SCFD2: variants seen among roughly 807,000 people sequenced by gnomAD.
The protein encoded by SCFD2 is sec1 family domain-containing protein 2.
Under a neutral mutation model 58.9 loss-of-function variants are expected in SCFD2, and 54 were observed. The observed-to-expected ratio is 0.92, with a 90% CI of 0.74 to 1.15. The LOEUF is 1.15. SCFD2 is among the 50% of genes most tolerant of loss of function. SCFD2 has a pLI of 0.00. For synonymous variants in SCFD2, 321 were observed against 335.9 expected (o/e 0.96, Z 0.49); for missense variants, 805 against 836.6 (o/e 0.96, Z 0.47).
chr4:52,953,084 A>G (rs1720638049), intron 5 of SCFD2, among the ~76,000 whole-genome samples: 1 of 152,212 alleles, frequency 6.6e-6, no homozygotes, highest in South Asian at 2.1e-4. Context: ...AACAGTAACA[A>G]CAACTACAAC....
chr4:52,965,409 A>T (rs1720941572), intron 5 of SCFD2, among the ~76,000 whole-genome samples: 1 of 152,156 alleles, frequency 6.6e-6, no homozygotes, highest in South Asian at 2.1e-4. Flanking sequence ...CCAGCGGCTG[A>T]GCACATGCTT....
At chr4:53,253,720 C>G (rs1452994646) in intron 4 of SCFD2, among the ~76,000 whole-genome samples, 1 of 122,490 alleles carries the variant, frequency 8.2e-6, no homozygotes. Context: ...AGGGGAACAT[C>G]ACATGCTGGG....
At chr4:53,264,222 A>G (rs1730915232) in intron 4 of SCFD2, among the ~76,000 whole-genome samples, 2 of 152,308 alleles carry the variant, frequency 1.3e-5, no homozygotes, top group East Asian at 1.9e-4. Context: ...CCAGACCACC[A>G]GCCTCTCCAC....
intron 5 of SCFD2, among the ~76,000 whole-genome samples, chr4:52,940,638 G>T (rs1439754096): frequency 6.6e-6 from 1 of 152,176 alleles, no homozygotes; most frequent in Non-Finnish European, 1.5e-5. Context: ...ACCACTGCTC[G>T]TAAGTTCGGA....
intron 4 of SCFD2, among the ~76,000 whole-genome samples, chr4:53,202,496 C>T (rs1340157523): frequency 2.7e-5 from 4 of 150,868 alleles, no homozygotes; most frequent in African/African-American, 9.7e-5. Context: ...TTAGGATTGA[C>T]TTGGCAATGC....
intron 4 of SCFD2, among the ~76,000 whole-genome samples, chr4:53,216,377 G>C (rs927554962): frequency 6.6e-4 from 100 of 152,252 alleles, no homozygotes; most frequent in African/African-American, 2.4e-3. Context: ...AGTCTTGGGA[G>C]GGTGTATGTG....
chr4:52,930,554 A>G (rs1719967476), intron 5 of SCFD2, among the ~76,000 whole-genome samples: 1 of 152,180 alleles, frequency 6.6e-6, no homozygotes, highest in Admixed American at 6.6e-5. Flanking sequence ...CTAGATCATC[A>G]CGAAAACAAC....
At chr4:53,259,432 C>T (rs934707807) in intron 4 of SCFD2, among the ~76,000 whole-genome samples, 1 of 152,140 alleles carries the variant, frequency 6.6e-6, no homozygotes, top group Non-Finnish European at 1.5e-5. Flanking sequence ...CATTCTTTTA[C>T]CTGTGGCTTT....
chr4:52,888,727 C>T (rs912524499), intron 7 of SCFD2, among the ~76,000 whole-genome samples: 2 of 152,178 alleles, frequency 1.3e-5, no homozygotes, highest in African/African-American at 4.8e-5. Context: ...CTTGGTCTGC[C>T]CATTTAAATG....
At chr4:53,214,427 T>A (rs1304158405) in intron 4 of SCFD2, among the ~76,000 whole-genome samples, 3 of 152,182 alleles carry the variant, frequency 2.0e-5, no homozygotes, top group African/African-American at 7.2e-5. Flanking sequence ...ATTTTTTTCA[T>A]GTGTTTTTTG....
rs538157335 is a variant in SCFD2, at chr4:53,046,854, TA to T, written c.1561+98478del. ...AGCTAATTTTCTTTTGTATTTTTAG[TA>T]GAGACGGGGTTTTGCCATATTGGCC... On this transcript the variant is annotated intron_variant, in intron 5 of 8. Transcript: ENST00000401642. Among the ~76,000 whole-genome samples the T allele has an allele frequency of 3.4e-3, 522 of 152,212 alleles. 1 individual carries two copies. The highest frequency in any genetic ancestry group is 5.9e-3 in the Non-Finnish European group (398 of 68,002).
At position 53,365,065 on chromosome 4, in the gene SCFD2, G is replaced by A. The variant is rs1347860758; in HGVS notation, c.838+39C>T. ...GAATCAATGAAAGTCCCAGCAATGT[G>A]GGGAATGGTAATGAAGAACTCCAGA... On this transcript the variant is annotated intron_variant, in intron 1 of 8. Transcript: ENST00000401642. The surrounding 1 kb of genome is among the most constrained non-coding windows in gnomAD (Gnocchi z 4.3). 1 of 1,579,622 alleles carries A rather than the reference G, an allele frequency of 6.3e-7. No individual in the cohort carries two copies. Among genetic ancestry groups the A allele is most frequent in the Non-Finnish European group, 8.6e-7 (1 of 1,164,782 alleles).
intron 5 of SCFD2, among the ~76,000 whole-genome samples, chr4:52,933,148 A>G (rs1177292478): frequency 6.6e-6 from 1 of 152,112 alleles, no homozygotes; most frequent in East Asian, 1.9e-4. Context: ...AAGCACATTC[A>G]AGTAGCATTG....
chr4:53,013,033 T>C (rs1198780514), intron 5 of SCFD2, among the ~76,000 whole-genome samples: 1 of 152,188 alleles, frequency 6.6e-6, no homozygotes, highest in African/African-American at 2.4e-5. Context: ...GCAGAGCTCC[T>C]GCACCAACTC....
At chr4:53,298,611 A>C (rs1732141341) in intron 3 of SCFD2, among the ~76,000 whole-genome samples, 1 of 152,176 alleles carries the variant, frequency 6.6e-6, no homozygotes, top group South Asian at 2.1e-4. Context: ...TTCTCCCAGC[A>C]CACAGCTTGA....
chr4:52,911,079 A>G (rs923643186), intron 6 of SCFD2, among the ~76,000 whole-genome samples: 1 of 152,210 alleles, frequency 6.6e-6, no homozygotes, highest in African/African-American at 2.4e-5. Flanking sequence ...GTCATTCTCC[A>G]TAAGATGTCC....
chr4:53,171,547 A>C (rs1216205012), intron 4 of SCFD2, among the ~76,000 whole-genome samples: 3 of 152,136 alleles, frequency 2.0e-5, no homozygotes, highest in Non-Finnish European at 4.4e-5. Context: ...CCTTCTCTAC[A>C]ATTTTTTCAA....
At chr4:53,201,270 A>C (rs1218182586) in intron 4 of SCFD2, among the ~76,000 whole-genome samples, 2 of 149,190 alleles carry the variant, frequency 1.3e-5, no homozygotes, top group Non-Finnish European at 3.0e-5. Context: ...TGAGAACATG[A>C]GGTGTTTGGT....
intron 5 of SCFD2, among the ~76,000 whole-genome samples, chr4:53,132,291 A>G (rs946205756): frequency 4.8e-4 from 73 of 152,240 alleles, no homozygotes; most frequent in African/African-American, 1.7e-3. Flanking sequence ...AGTAAAACTA[A>G]ATATAACGGT....
Sources: gnomAD v4.1 joint callset for allele counts (sites outside exome capture counted in the v4.1 genomes callset) on GRCh38, gnomAD v4.1.1 for gene constraint, Gnocchi (gnomAD v3.1) non-coding constraint, MANE v1.5 for transcripts, NCBI Gene and HGNC (gene_info 2026-07-23, HGNC 2026-07-21) for gene names.